ANKRD17: variants seen among roughly 807,000 people sequenced by gnomAD.
ANKRD17 encodes ankyrin repeat domain-containing protein 17.
Under a neutral mutation model 229.7 loss-of-function variants are expected in ANKRD17, and 19 were observed. The observed-to-expected ratio is 0.08, with a 90% CI of 0.06 to 0.12. ANKRD17 has a LOEUF of 0.12. Among genes scored for constraint, ANKRD17 ranks in the 10% least tolerant of loss-of-function variants. The pLI, the probability that ANKRD17 is intolerant of heterozygous loss-of-function variation, is 1.00. For missense variants in ANKRD17, 2,176 were observed against 3,176.8 expected (o/e 0.68, Z 7.57); for synonymous variants, 1,112 against 1,146.1 (o/e 0.97, Z 0.60).
In ANKRD17 at chr4:73,099,957, T is replaced by C. The variant is rs534782405; in HGVS notation, c.4574-1437A>G. Among the ~76,000 whole-genome samples the C allele has an allele frequency of 1.2e-4, 19 of 152,164 alleles. No individual in the cohort carries two copies. The South Asian group carries it at 3.5e-3, about 28-fold the overall frequency. On this transcript the variant is annotated intron_variant, in intron 25 of 33. Coordinates refer to ENST00000358602, the MANE Select transcript of ANKRD17 (RefSeq NM_032217.5). ...CTGGGGCCGCTCCCCCATACTTACTTTGCTTCTGCCACTCAGCCATTTCCC... is the reference window on the plus strand; with the variant it reads ...CTGGGGCCGCTCCCCCATACTTACTCTGCTTCTGCCACTCAGCCATTTCCC...
chr4:73,210,209 C>T (rs1740064402), intron 1 of ANKRD17, among the ~76,000 whole-genome samples: 1 of 151,676 alleles, frequency 6.6e-6, no homozygotes, highest in Non-Finnish European at 1.5e-5. Context: ...CTAAGATCTA[C>T]CAAAAAAACA....
chr4:73,155,958 C>T, intron 4 of ANKRD17, 61 bp downstream of exon 4: 1 of 1,521,938 alleles, frequency 6.6e-7, no homozygotes. Context: ...TTATTATTTC[C>T]TTAGTAAGCA....
intron 16 of ANKRD17, among the ~76,000 whole-genome samples, chr4:73,129,761 CTTTTTTT>C (rs768232283): frequency 4.8e-4 from 65 of 134,142 alleles, no homozygotes; most frequent in Middle Eastern, 3.9e-3. Context: ...CTATTAATTA[CTTTTTTT>C]TTTTTTTTTT....
chr4:73,093,718 C>T (rs973956828), intron 28 of ANKRD17, among the ~76,000 whole-genome samples: 2 of 152,156 alleles, frequency 1.3e-5, no homozygotes, highest in African/African-American at 4.8e-5. Context: ...TAACAAATCT[C>T]AAAGGTTATT....
chr4:73,158,508 A>G (rs890189064), intron 3 of ANKRD17, among the ~76,000 whole-genome samples: 1 of 152,150 alleles, frequency 6.6e-6, no homozygotes, highest in Non-Finnish European at 1.5e-5. Context: ...TCCCTATTTC[A>G]GGTCTTTCCT....
At chr4:73,220,162 G>A (rs918652901) in intron 1 of ANKRD17, among the ~76,000 whole-genome samples, 1 of 152,076 alleles carries the variant, frequency 6.6e-6, no homozygotes, top group Admixed American at 6.6e-5. Flanking sequence ...AATTTTACAG[G>A]AAGGTCATCA....
chr4:73,121,120 AAATGGAAAAATATATATTTT>A lies in ANKRD17; in HGVS notation c.3636-46_3636-27del, dbSNP rs748940028. 10 of 1,556,474 alleles carry A rather than the reference AAATGGAAAAATATATATTTT, an allele frequency of 6.4e-6. No individual in the cohort carries two copies. In the Admixed American group the frequency reaches 1.2e-4, roughly 18 times the overall value. Reference sequence around the variant, plus strand: ...CTAGGGGTGCAGGTATGGGGAAAACAAATGGAAAAATATATATTTTAAATGACAGAAAAATTGGAGATGAT... The same window carrying A: ...CTAGGGGTGCAGGTATGGGGAAAACAAAATGACAGAAAAATTGGAGATGAT... On this transcript the variant is annotated intron_variant, in intron 19 of 33. Transcript: ENST00000358602.
chr4:73,085,189 C>T (rs1721991434), intron 30 of ANKRD17, 60 bp downstream of exon 30: 1 of 1,534,902 alleles, frequency 6.5e-7, no homozygotes, highest in Non-Finnish European at 8.9e-7. Context: ...AGGTTTGAAA[C>T]CTGCTGTTTT....
In ANKRD17 at chr4:73,073,490, A is replaced by C. The variant is rs1577965329; in HGVS notation, c.*2741T>G. On this transcript the variant is annotated 3_prime_UTR_variant, in exon 34 of 34. Transcript: ENST00000358602. ...TAAAAATAAGTAATATAGGGTACAA[A>C]ATTTTTACAAAATGTGTATTTAGGT... 2 of 152,056 alleles carry C rather than the reference A, an allele frequency of 1.3e-5. No homozygotes were observed. The highest frequency in any genetic ancestry group is 6.5e-5 in the Admixed American group (1 of 15,272). The allele number at this position is 152,056 out of a possible 1,614,324, so 9.4% of individuals were successfully genotyped here. A position where few individuals can be genotyped will look rare whatever the true frequency, so the allele number is the denominator to read the frequency against.
chr4:73,166,887 T>C (rs959608410), intron 2 of ANKRD17, among the ~76,000 whole-genome samples: 62 of 152,256 alleles, frequency 4.1e-4, no homozygotes, highest in African/African-American at 1.5e-3. Flanking sequence ...GTAAACCTGG[T>C]TTGGATCCTG....
intron 1 of ANKRD17, among the ~76,000 whole-genome samples, chr4:73,190,804 C>T (rs1736970394): frequency 6.6e-6 from 1 of 151,036 alleles, no homozygotes; most frequent in Admixed American, 6.6e-5. Context: ...TTCACAACAA[C>T]AAAAACAAAA....
At chr4:73,141,098 A>G (rs1188129535) in intron 14 of ANKRD17, among the ~76,000 whole-genome samples, 7 of 152,256 alleles carry the variant, frequency 4.6e-5, no homozygotes, top group Non-Finnish European at 1.0e-4. Flanking sequence ...ATAAAAGAGT[A>G]TACGTAGCCA....
At chr4:73,142,606 T>G in intron 12 of ANKRD17, 34 bp downstream of exon 12, 1 of 1,613,686 alleles carries the variant, frequency 6.2e-7, no homozygotes, top group African/African-American at 1.3e-5. Context: ...GAAATACTAA[T>G]TCACAATTCT....
In ANKRD17 at chr4:73,085,322, G is replaced by T; in HGVS notation, c.7086C>A (p.Pro2362=). ...YGPGAPLGGA[P]AAANFNRQHF... is the part of the protein sequence containing the mutation. ...GTTGTCTGTTAAAGTTAGCAGCTGC[G>T]GGTGCTCCTCCAAGGGGTGCCCCAG... Residue 2362 remains proline, a synonymous_variant, in exon 30 of 34, where the codon CCC becomes CCA. Coordinates refer to ENST00000358602, the MANE Select transcript of ANKRD17 (RefSeq NM_032217.5). The T allele has an allele frequency of 6.2e-7, 1 of 1,613,996 alleles. No individual in the cohort carries two copies. Among genetic ancestry groups the T allele is most frequent in the Middle Eastern group, 1.6e-4 (1 of 6,062 alleles).
chr4:73,110,694 T>C (rs1456706000), intron 24 of ANKRD17, among the ~76,000 whole-genome samples: 1 of 152,188 alleles, frequency 6.6e-6, no homozygotes. Context: ...AATATCCCAA[T>C]GTGATAATCT....
chr4:73,142,772 A>T lies in ANKRD17; in HGVS notation c.1958-5T>A. On this transcript the variant is annotated splice_polypyrimidine_tract_variant and splice_region_variant and intron_variant, in intron 11 of 33. Coordinates refer to ENST00000358602, the MANE Select transcript of ANKRD17 (RefSeq NM_032217.5). ...TGGTTCTATTCACATTCGCTCCTAAAACAGAAAAGGCATGGAAAATCATAT... is the reference window on the plus strand; with the variant it reads ...TGGTTCTATTCACATTCGCTCCTAATACAGAAAAGGCATGGAAAATCATAT... 1 of 1,600,158 alleles carries T rather than the reference A, an allele frequency of 6.2e-7. No homozygotes were observed. The highest frequency in any genetic ancestry group is 8.5e-7 in the Non-Finnish European group (1 of 1,174,094).
intron 7 of ANKRD17, among the ~76,000 whole-genome samples, chr4:73,149,443 C>T (rs1444523325): frequency 6.6e-6 from 1 of 152,022 alleles, no homozygotes; most frequent in Non-Finnish European, 1.5e-5. Flanking sequence ...TAAGGATAAG[C>T]AAACTTTTGA....
chr4:73,229,111 C>T (rs1031646991), intron 1 of ANKRD17, among the ~76,000 whole-genome samples: 1 of 151,736 alleles, frequency 6.6e-6, no homozygotes, highest in Non-Finnish European at 1.5e-5. Context: ...GGAAGGGGAA[C>T]ATCACACACC....
intron 1 of ANKRD17, among the ~76,000 whole-genome samples, chr4:73,244,204 C>T (rs1276124892): frequency 2.0e-5 from 3 of 152,078 alleles, no homozygotes; most frequent in Non-Finnish European, 2.9e-5. Flanking sequence ...TTTTAAAGGA[C>T]TTATCTCCAA....
Sources: allele counts gnomAD v4.1 joint callset (sites outside exome capture counted in the v4.1 genomes callset), GRCh38; gene constraint gnomAD v4.1.1; transcripts MANE v1.5; gene names NCBI Gene and HGNC (gene_info 2026-07-23, HGNC 2026-07-21).